The following RABGAP1L variants were observed in gnomAD, a reference collection of about 807,000 sequenced individuals.
RABGAP1L encodes the protein RAB GTPase activating protein 1 like.
RABGAP1L carries 63 observed loss-of-function variants against 137.7 expected under a neutral mutation model. The observed-to-expected ratio is 0.46, with a 90% CI of 0.37 to 0.56. The LOEUF is 0.56. Among genes scored for constraint, RABGAP1L ranks in the 20% least tolerant of loss-of-function variants. The pLI is 0.00. For missense variants in RABGAP1L, 1,095 were observed against 1,244.0 expected, an observed-to-expected ratio of 0.88 and a Z score of 1.80; for synonymous variants, 431 against 433.7, an observed-to-expected ratio of 0.99 and a Z score of 0.08.
intron 14 of RABGAP1L, among the ~76,000 whole-genome samples, chr1:174,679,557 T>C (rs951827598): frequency 6.6e-6 from 1 of 152,210 alleles, no homozygotes; most frequent in Admixed American, 6.5e-5. Flanking sequence ...ATATTCACCA[T>C]TGTATTGGAA....
At chr1:174,614,909 G>T (rs549946486) in intron 13 of RABGAP1L, among the ~76,000 whole-genome samples, 5 of 152,230 alleles carry the variant, frequency 3.3e-5, no homozygotes, top group Non-Finnish European at 5.9e-5. Flanking sequence ...TAGTTCTCGA[G>T]CCTTGGCTTT....
At chr1:174,543,898 T>G (rs1336329197) in intron 13 of RABGAP1L, among the ~76,000 whole-genome samples, 1 of 152,250 alleles carries the variant, frequency 6.6e-6, no homozygotes, top group Non-Finnish European at 1.5e-5. Context: ...AAAATTCTTT[T>G]CTTTAAGAAT....
At chr1:174,867,079 C>T (rs914545612) in intron 19 of RABGAP1L, among the ~76,000 whole-genome samples, 4 of 151,618 alleles carry the variant, frequency 2.6e-5, no homozygotes, top group Admixed American at 1.3e-4. Context: ...CAGAGAGAAA[C>T]CCTGTCTCAA....
chr1:174,960,000 T>C (rs1668942528), intron 20 of RABGAP1L, among the ~76,000 whole-genome samples: 1 of 152,184 alleles, frequency 6.6e-6, no homozygotes, highest in African/African-American at 2.4e-5. Flanking sequence ...GATCTTGGAC[T>C]GGGAACCCAG....
At chr1:174,952,458 C>T (rs987739201) in intron 19 of RABGAP1L, among the ~76,000 whole-genome samples, 4 of 149,174 alleles carry the variant, frequency 2.7e-5, no homozygotes, top group African/African-American at 9.9e-5. Flanking sequence ...CTGCAGTGTG[C>T]TGTGATTGCG....
intron 13 of RABGAP1L, among the ~76,000 whole-genome samples, chr1:174,595,633 C>G (rs140863038): frequency 6.7e-6 from 1 of 149,204 alleles, no homozygotes; most frequent in East Asian, 2.0e-4. Context: ...GTCAGTGTGC[C>G]CCTGCTGGGG....
intron 14 of RABGAP1L, among the ~76,000 whole-genome samples, chr1:174,653,337 T>G (rs114745551): frequency 0.019 from 2,887 of 152,122 alleles, 78 homozygotes; most frequent in African/African-American, 0.066. Flanking sequence ...CACTGGGGTA[T>G]TAAAAAAAAC....
At chr1:174,836,610 G>T (rs997027199) in intron 19 of RABGAP1L, among the ~76,000 whole-genome samples, 5 of 152,212 alleles carry the variant, frequency 3.3e-5, no homozygotes, top group African/African-American at 1.2e-4. Context: ...TTGAGAGTAT[G>T]CAAAGTGTGA....
chr1:174,595,814 C>G (rs1378503698), intron 13 of RABGAP1L, among the ~76,000 whole-genome samples: 2 of 85,140 alleles, frequency 2.3e-5, no homozygotes, highest in Non-Finnish European at 4.1e-5. Flanking sequence ...TTTTGTTTGT[C>G]TGTGCCCTGC....
chr1:174,914,867 A>T (rs1185913949), intron 19 of RABGAP1L, among the ~76,000 whole-genome samples: 1 of 152,126 alleles, frequency 6.6e-6, no homozygotes, highest in Non-Finnish European at 1.5e-5. Context: ...ATCTGCTTTT[A>T]TATAAATGGA....
intron 13 of RABGAP1L, among the ~76,000 whole-genome samples, chr1:174,602,914 C>A (rs1338896458): frequency 6.6e-6 from 1 of 152,102 alleles, no homozygotes; most frequent in African/African-American, 2.4e-5. Context: ...GTCTGAAAAG[C>A]CACTATCTCT....
At chr1:174,216,877 G>T (rs1669372076) in intron 1 of RABGAP1L, among the ~76,000 whole-genome samples, 2 of 151,906 alleles carry the variant, frequency 1.3e-5, no homozygotes, top group Admixed American at 1.3e-4. Context: ...AAAGGTTTTG[G>T]TCTGGAGTTT....
intron 11 of RABGAP1L, among the ~76,000 whole-genome samples, chr1:174,365,723 T>A (rs1190125179): frequency 1.3e-5 from 2 of 152,094 alleles, no homozygotes; most frequent in Non-Finnish European, 2.9e-5. Context: ...GTGGGTGGGG[T>A]GGTATCAGCA....
chr1:174,208,085 C>T (rs1668622641), intron 1 of RABGAP1L, among the ~76,000 whole-genome samples: 1 of 152,092 alleles, frequency 6.6e-6, no homozygotes, highest in Admixed American at 6.6e-5. Flanking sequence ...CTTACAGACC[C>T]TATGCATATT....
intron 19 of RABGAP1L, among the ~76,000 whole-genome samples, chr1:174,848,811 G>T (rs1647581656): frequency 6.6e-6 from 1 of 151,270 alleles, no homozygotes; most frequent in South Asian, 2.1e-4. Flanking sequence ...GCAATGGCGG[G>T]CGCCCCTCCC....
At position 174,740,281 on chromosome 1, in the gene RABGAP1L, C is replaced by T. The variant is rs561741392; in HGVS notation, c.2170-12032C>T. On this transcript the variant is annotated intron_variant, in intron 17 of 25. Transcript: ENST00000681986. Reference sequence around the variant, plus strand: ...TTAAATCACTTCTGTCTCTGCTTTCCCTAGTGTTTAAGCTTCACTAACATT... The same window carrying T: ...TTAAATCACTTCTGTCTCTGCTTTCTCTAGTGTTTAAGCTTCACTAACATT... Among the ~76,000 whole-genome samples, 4 of 152,092 alleles carry T rather than the reference C, an allele frequency of 2.6e-5. No homozygotes were observed. The East Asian group carries it at 7.8e-4, about 30-fold the overall frequency.
chr1:174,211,776 G>T (rs1558035341), intron 1 of RABGAP1L, among the ~76,000 whole-genome samples: 1 of 152,060 alleles, frequency 6.6e-6, no homozygotes, highest in African/African-American at 2.4e-5. Context: ...GAAAATAAAA[G>T]GATGGAAAAA....
chr1:174,607,993 T>C (rs1670912984), intron 13 of RABGAP1L, among the ~76,000 whole-genome samples: 1 of 152,214 alleles, frequency 6.6e-6, no homozygotes, highest in Non-Finnish European at 1.5e-5. Context: ...GGTACAAATG[T>C]CGTGAATCAT....
intron 1 of RABGAP1L, among the ~76,000 whole-genome samples, chr1:174,197,462 T>A (rs773886023): frequency 6.6e-6 from 1 of 152,208 alleles, no homozygotes; most frequent in Non-Finnish European, 1.5e-5. Context: ...GCCCCTGAGT[T>A]TCCACGTAAT....
Sources: gnomAD v4.1 joint callset for allele counts (sites outside exome capture counted in the v4.1 genomes callset) on GRCh38, gnomAD v4.1.1 for gene constraint, MANE v1.5 for transcripts, NCBI Gene and HGNC (gene_info 2026-07-23, HGNC 2026-07-21) for gene names.